Variants in CNTNAP2 observed in about 807,000 individuals in gnomAD.
CNTNAP2 encodes the protein contactin-associated protein-like 2.
In CNTNAP2, 98 loss-of-function variants were observed where a neutral mutation model predicts 155.2. The ratio of observed to expected loss-of-function variants is 0.63; its 90% CI spans 0.54 to 0.75. CNTNAP2 has a LOEUF of 0.75. Among genes scored for constraint, CNTNAP2 ranks in the 30% least tolerant of loss-of-function variants. The pLI, the probability that CNTNAP2 is intolerant of heterozygous loss-of-function variation, is 0.00. For synonymous variants in CNTNAP2, 651 were observed against 631.2 expected, an observed-to-expected ratio of 1.03 and a Z score of -0.47; for missense variants, 1,727 against 1,688.1, an observed-to-expected ratio of 1.02 and a Z score of -0.40.
intron 8 of CNTNAP2, among the ~76,000 whole-genome samples, chr7:147,235,338 A>C (rs923639940): frequency 9.3e-6 from 1 of 108,088 alleles, no homozygotes; most frequent in Non-Finnish European, 1.8e-5. Flanking sequence ...ATAGAGATGG[A>C]GTTTTTGGTG....
At chr7:147,095,881 C>T (rs1800520657) in intron 4 of CNTNAP2, among the ~76,000 whole-genome samples, 1 of 152,146 alleles carries the variant, frequency 6.6e-6, no homozygotes, top group Admixed American at 6.5e-5. Flanking sequence ...CCACCCTTCC[C>T]TTTAGCAGCA....
chr7:147,067,075 G>C (rs1041734394), intron 4 of CNTNAP2, among the ~76,000 whole-genome samples: 1 of 152,056 alleles, frequency 6.6e-6, no homozygotes, highest in African/African-American at 2.4e-5. Context: ...GGTGGATCAC[G>C]AGGTCAAGAG....
chr7:148,303,890 T>C (rs1157367857), intron 21 of CNTNAP2, among the ~76,000 whole-genome samples: 1 of 152,184 alleles, frequency 6.6e-6, no homozygotes, highest in Non-Finnish European at 1.5e-5. Context: ...TGTCACTGGG[T>C]GGAATGTGAG....
At chr7:148,077,378 T>A (rs1409045315) in intron 15 of CNTNAP2, among the ~76,000 whole-genome samples, 3 of 152,180 alleles carry the variant, frequency 2.0e-5, no homozygotes, top group Admixed American at 6.5e-5. Flanking sequence ...AACATCTGCT[T>A]CTACATGTGT....
chr7:146,677,442 G>A (rs1800421036), intron 1 of CNTNAP2, among the ~76,000 whole-genome samples: 1 of 152,144 alleles, frequency 6.6e-6, no homozygotes, highest in African/African-American at 2.4e-5. Context: ...TTGGTCTTGA[G>A]GTCTGCATTG....
Position 148,367,015 on chromosome 7 carries a change from G to A in CNTNAP2, c.3476-16634G>A, listed in dbSNP as rs746946085. The stretch of plus-strand genomic sequence containing the variant: ...TGGGAGGCCCAGGAAGGCGGATCAC[G>A]AGGTGAAGAGATTGAGACCACTCTG... On this transcript the variant is annotated intron_variant, in intron 21 of 23. Coordinates refer to ENST00000361727, the MANE Select transcript of CNTNAP2 (RefSeq NM_014141.6). Among the ~76,000 whole-genome samples the A allele has an allele frequency of 2.2e-4, 34 of 152,134 alleles. 1 individual carries two copies. The highest frequency in any genetic ancestry group is 6.5e-4 in the Admixed American group (10 of 15,268).
At chr7:147,914,643 C>T (rs1013452890) in intron 14 of CNTNAP2, among the ~76,000 whole-genome samples, 2 of 152,136 alleles carry the variant, frequency 1.3e-5, no homozygotes, top group Non-Finnish European at 2.9e-5. Flanking sequence ...TCACTGCAAC[C>T]TCGACCTCCC....
At chr7:148,017,279 C>T (rs537025300) in intron 15 of CNTNAP2, among the ~76,000 whole-genome samples, 17 of 152,238 alleles carry the variant, frequency 1.1e-4, no homozygotes, top group South Asian at 2.1e-4. Context: ...GTTTATCAGA[C>T]GAACTGTGGT....
intron 3 of CNTNAP2, among the ~76,000 whole-genome samples, chr7:146,978,557 G>A (rs1344309465): frequency 2.6e-5 from 4 of 152,078 alleles, no homozygotes; most frequent in Non-Finnish European, 4.4e-5. Flanking sequence ...AAGAAGGGGA[G>A]ATTTTTCAGT....
At chr7:146,689,212 C>T (rs1214834249) in intron 1 of CNTNAP2, among the ~76,000 whole-genome samples, 2 of 151,978 alleles carry the variant, frequency 1.3e-5, no homozygotes, top group Non-Finnish European at 2.9e-5. Context: ...CTCCATTTGG[C>T]TAATCCTTAG....
intron 21 of CNTNAP2, among the ~76,000 whole-genome samples, chr7:148,351,846 A>G (rs1291162770): frequency 6.6e-6 from 1 of 151,508 alleles, no homozygotes; most frequent in Non-Finnish European, 1.5e-5. Context: ...TTCAGGACTG[A>G]TGAGATAGCT....
At chr7:147,612,081 C>T (rs1304336494) in intron 12 of CNTNAP2, among the ~76,000 whole-genome samples, 2 of 152,102 alleles carry the variant, frequency 1.3e-5, no homozygotes, top group African/African-American at 4.8e-5. Context: ...GACTAAAAAA[C>T]ACTGCATCAT....
chr7:146,379,722 A>G (rs994028897), intron 1 of CNTNAP2, among the ~76,000 whole-genome samples: 1 of 152,178 alleles, frequency 6.6e-6, no homozygotes, highest in African/African-American at 2.4e-5. Flanking sequence ...TGTTTGACCT[A>G]GAGATTGACA....
intron 1 of CNTNAP2, among the ~76,000 whole-genome samples, chr7:146,679,450 G>T (rs1302124600): frequency 7.0e-6 from 1 of 142,256 alleles, no homozygotes; most frequent in East Asian, 2.2e-4. Context: ...CCACCTCCCA[G>T]GTTCAAGCAA....
intron 11 of CNTNAP2, among the ~76,000 whole-genome samples, chr7:147,551,997 T>A (rs569967970): frequency 1.3e-3 from 201 of 152,266 alleles, no homozygotes; most frequent in Non-Finnish European, 2.4e-3. Context: ...AACTTGAATA[T>A]CCCATCAAAT....
chr7:147,777,671 C>T (rs939065700), intron 13 of CNTNAP2, among the ~76,000 whole-genome samples: 1 of 152,162 alleles, frequency 6.6e-6, no homozygotes, highest in Non-Finnish European at 1.5e-5. Context: ...TTAATAGTGG[C>T]CCCATATATT....
intron 1 of CNTNAP2, among the ~76,000 whole-genome samples, chr7:146,584,142 A>G (rs1798652520): frequency 6.6e-6 from 1 of 152,196 alleles, no homozygotes; most frequent in African/African-American, 2.4e-5. Context: ...TAATTTGTTA[A>G]ATGTTATTTT....
chr7:148,295,431 A>G (rs918206535), intron 21 of CNTNAP2, among the ~76,000 whole-genome samples: 36 of 152,228 alleles, frequency 2.4e-4, no homozygotes, highest in African/African-American at 8.2e-4. Context: ...GACATTTTTG[A>G]CTACTAATAT....
At chr7:148,028,877 C>T (rs1802418757) in intron 15 of CNTNAP2, among the ~76,000 whole-genome samples, 1 of 152,108 alleles carries the variant, frequency 6.6e-6, no homozygotes, top group South Asian at 2.1e-4. Context: ...TCTCGGTTCC[C>T]CTATTCCTGG....
Sources: allele counts gnomAD v4.1 joint callset (sites outside exome capture counted in the v4.1 genomes callset), GRCh38; gene constraint gnomAD v4.1.1; transcripts MANE v1.5; gene names NCBI Gene and HGNC (gene_info 2026-07-23, HGNC 2026-07-21).